Variants in HERC2 observed in about 807,000 individuals in gnomAD.
HERC2 encodes E3 ubiquitin-protein ligase HERC2.
In HERC2, 102 loss-of-function variants were observed where a neutral mutation model predicts 537.7. That is an observed-to-expected ratio of 0.19 (90% confidence interval 0.16 to 0.22). HERC2 has a LOEUF of 0.22. Ranked by LOEUF, HERC2 falls within the 10% of genes least tolerant of loss-of-function variation. The probability of loss-of-function intolerance (pLI) is 1.00; values close to 1 mark genes in which losing one functional copy is unlikely to be tolerated. For missense variants in HERC2, 4,236 were observed against 6,198.2 expected (o/e 0.68, Z 10.63); for synonymous variants, 2,224 against 2,466.2 (o/e 0.90, Z 2.91).
At chr15:28,257,652 A>C (rs2075301585) in intron 16 of HERC2, among the ~76,000 whole-genome samples, 1 of 152,158 alleles carries the variant, frequency 6.6e-6, no homozygotes, top group Admixed American at 6.5e-5. Flanking sequence ...AATAACAAGT[A>C]ATCGGCAAGG....
Position 28,142,936 on chromosome 15 carries a change from G to A in HERC2, c.11435C>T (p.Ala3812Val). The change falls in exon 75 of 93, where the codon GCT becomes GTT. Residue 3812 changes from alanine to valine, a missense_variant. This residue lies in a region of HERC2 where 23 missense variants were observed against 60.0 expected (regional missense o/e 0.38). Coordinates refer to ENST00000261609, the MANE Select transcript of HERC2 (RefSeq NM_004667.6). The stretch of plus-strand genomic sequence containing the variant: ...AAGACCTTTCACCAAAGCAGCAAGA[G>A]CACTACCTGTAAAACTCTAAGAAAC... ...ETRALSFTGS[A>V]LAALVKGLPE... 6.2e-7 allele frequency: 1 copy of A among 1,607,472 alleles called. No homozygotes were observed. Among genetic ancestry groups the A allele is most frequent in the East Asian group, 2.2e-5 (1 of 44,806 alleles).
At chr15:28,321,948 C>T (rs2077241856) in intron 1 of HERC2, 127 bp downstream of exon 1, 1 of 133,524 alleles carries the variant, frequency 7.5e-6, no homozygotes, top group Non-Finnish European at 1.5e-5. Context: ...GAGGCTGCCC[C>T]GCGGGTGGTC....
intron 79 of HERC2, among the ~76,000 whole-genome samples, chr15:28,134,810 A>T (rs912800499): frequency 1.3e-5 from 2 of 149,892 alleles, no homozygotes; most frequent in African/African-American, 4.9e-5. Flanking sequence ...AGCTGGGACT[A>T]CAGGTGTGTG....
intron 4 of HERC2, 137 bp from the exon 5 acceptor site, chr15:28,280,424 C>T: frequency 1.5e-6 from 1 of 675,192 alleles, no homozygotes; most frequent in Non-Finnish European, 2.5e-6. Flanking sequence ...AACCACTTTA[C>T]ACACATGAGC....
chr15:28,312,942 GCTCA>G (rs1365531598), intron 2 of HERC2: 1 of 164,612 alleles, frequency 6.1e-6, no homozygotes, highest in African/African-American at 2.4e-5. Context: ...GCAGTAACAG[GCTCA>G]CTTTTTGTTA....
intron 3 of HERC2, among the ~76,000 whole-genome samples, chr15:28,296,884 T>C (rs1307192244): frequency 6.6e-6 from 1 of 151,930 alleles, no homozygotes; most frequent in Non-Finnish European, 1.5e-5. Flanking sequence ...CAATTGTCCT[T>C]AGTCCTTATG....
chr15:28,138,245 T>C (rs1413300255), intron 78 of HERC2, among the ~76,000 whole-genome samples: 10 of 152,160 alleles, frequency 6.6e-5, no homozygotes, highest in Non-Finnish European at 8.8e-5. Flanking sequence ...CCAAGATCAG[T>C]GATGAAGGTG....
Position 28,176,648 on chromosome 15 carries a change from C to T in HERC2, c.9514+39G>A. ...TTCAGGCCAGCGTTTCATATCATTC[C>T]TACCCACCCAGAAGCACAGAATCCT... On this transcript the variant is annotated intron_variant, in intron 62 of 92. Transcript: ENST00000261609. The surrounding 1 kb of genome is among the most constrained non-coding windows in gnomAD (Gnocchi z 5.0). 1.9e-6 allele frequency: 3 copies of T among 1,613,912 alleles called. No homozygotes were observed. The highest frequency in any genetic ancestry group is 2.5e-6 in the Non-Finnish European group (3 of 1,179,838).
At chr15:28,150,729 C>A (rs114537025) in intron 70 of HERC2, among the ~76,000 whole-genome samples, 8 of 151,610 alleles carry the variant, frequency 5.3e-5, no homozygotes, top group Admixed American at 4.6e-4. Context: ...TCTAACTAAC[C>A]GAGAACATCA....
intron 15 of HERC2, 146 bp downstream of exon 15, chr15:28,262,772 G>A (rs1184853943): frequency 3.6e-6 from 3 of 824,990 alleles, no homozygotes; most frequent in Non-Finnish European, 5.8e-6. Flanking sequence ...AGTTTCTAAT[G>A]ACAGTCCATT....
intron 78 of HERC2, among the ~76,000 whole-genome samples, chr15:28,139,159 T>C (rs1890940914): frequency 6.6e-6 from 1 of 152,266 alleles, no homozygotes; most frequent in African/African-American, 2.4e-5. Context: ...CAAGCCTGCA[T>C]ATCTCCAAGC....
intron 71 of HERC2, 26 bp from the exon 72 acceptor site, chr15:28,144,830 G>A (rs1182309262): frequency 2.5e-6 from 4 of 1,613,720 alleles, no homozygotes; most frequent in Non-Finnish European, 2.5e-6. Context: ...GCACCCCGGG[G>A]TTAGCTTCAC....
chr15:28,294,924 G>GT (rs1273594584), intron 3 of HERC2, among the ~76,000 whole-genome samples: 2 of 151,858 alleles, frequency 1.3e-5, no homozygotes, highest in African/African-American at 4.8e-5. Context: ...CCTCTCCTTG[G>GT]TTATTTTACT....
chr15:28,209,656 T>C (rs550460968), intron 44 of HERC2, among the ~76,000 whole-genome samples: 10 of 152,332 alleles, frequency 6.6e-5, no homozygotes, highest in Non-Finnish European at 1.3e-4. Context: ...ATATCATTTA[T>C]ATTTTTAAAG....
At position 28,111,796 on chromosome 15, in the gene HERC2, C is replaced by G. The variant is rs146332822; in HGVS notation, c.14472G>C (p.Ser4824=). The change falls in exon 93 of 93, where the codon TCG becomes TCC. Residue 4824 remains serine (S), a synonymous_variant. Transcript: ENST00000261609. ...SDNEDVDSFA[S]DSTQDYLTGH is the part of the protein sequence containing the mutation. ...CTGTTAAATAATCTTGTGTAGAGTC[C>G]GAAGCAAAGGAGTCGACATCCTCGT... 1 of 1,614,162 alleles carries G rather than the reference C, an allele frequency of 6.2e-7. No individual in the cohort carries two copies. The highest frequency in any genetic ancestry group is 8.5e-7 in the Non-Finnish European group (1 of 1,180,038).
intron 70 of HERC2, among the ~76,000 whole-genome samples, chr15:28,149,951 A>T (rs1311202461): frequency 6.6e-6 from 1 of 151,796 alleles, no homozygotes; most frequent in African/African-American, 2.4e-5. Context: ...AAAATTACCA[A>T]AAAACACACA....
In HERC2 at chr15:28,265,080, G is replaced by A. The variant is rs184673232; in HGVS notation, c.1870+538C>T. Among the ~76,000 whole-genome samples, 22 of 152,222 alleles carry A rather than the reference G, an allele frequency of 1.4e-4. No homozygotes were observed. Among genetic ancestry groups the A allele is most frequent in the African/African-American group, 5.1e-4 (21 of 41,550 alleles). On this transcript the variant is annotated intron_variant, in intron 14 of 92. Coordinates refer to ENST00000261609, the MANE Select transcript of HERC2 (RefSeq NM_004667.6). This position sits in a 1 kb window ranked among gnomAD's most constrained non-coding sequence, Gnocchi z 4.0. ...AACGGAAAGACTCCACAACGCCAGA[G>A]ACACACAAGATGCCAAGGACAGACC... is the stretch of plus-strand genomic sequence containing the variant.
chr15:28,225,069 G>C (rs4372669), intron 35 of HERC2, among the ~76,000 whole-genome samples: 14,369 of 152,202 alleles, frequency 0.094, 1,075 homozygotes, highest in East Asian at 0.29. Flanking sequence ...TCTACATCTG[G>C]AAGAACTAAA....
intron 2 of HERC2, among the ~76,000 whole-genome samples, chr15:28,318,830 TTTCTA>T (rs2077158641): frequency 1.3e-5 from 2 of 151,080 alleles, no homozygotes; most frequent in African/African-American, 4.9e-5. Context: ...AAACTCTTCC[TTTCTA>T]AAGTTACTAA....
Sources: gnomAD v4.1 joint callset for allele counts (sites outside exome capture counted in the v4.1 genomes callset) on GRCh38, gnomAD v4.1.1 for gene constraint, gnomAD v4.1.1 regional missense constraint, Gnocchi (gnomAD v3.1) non-coding constraint, MANE v1.5 for transcripts, NCBI Gene and HGNC (gene_info 2026-07-23, HGNC 2026-07-21) for gene names.